Variants in SPRY3 observed in about 807,000 individuals in gnomAD.
The protein encoded by SPRY3 is sprouty RTK signaling antagonist 3.
SPRY3 carries 15 observed loss-of-function variants against 20.2 expected under a neutral mutation model. That is an observed-to-expected ratio of 0.74 (90% CI 0.50 to 1.14). The LOEUF (loss-of-function observed/expected upper bound fraction) is 1.14, where lower values mean the gene tolerates loss of function less well. Among genes scored for constraint, SPRY3 ranks in the 50% most tolerant of loss-of-function variants. The pLI, the probability that SPRY3 is intolerant of heterozygous loss-of-function variation, is 0.00. For synonymous variants in SPRY3, 143 were observed against 136.5 expected, an observed-to-expected ratio of 1.05 and a Z score of -0.33; for missense variants, 364 against 363.9, an observed-to-expected ratio of 1.00 and a Z score of 0.00.
intron 2 of SPRY3, among the ~76,000 whole-genome samples, chrX:155,736,575 G>A (rs1443214631): frequency 2.6e-5 from 4 of 151,790 alleles, no homozygotes; most frequent in Non-Finnish European, 4.4e-5. Context: ...TTCTTCTAAC[G>A]ATAAGATGTT....
intron 2 of SPRY3, among the ~76,000 whole-genome samples, chrX:155,743,050 T>A (rs780869841): frequency 6.6e-6 from 1 of 151,348 alleles, no homozygotes; most frequent in African/African-American, 2.4e-5. Flanking sequence ...TTTGAAAAAA[T>A]TAATAAAATA....
At chrX:155,761,475 C>G (rs1327948117) in intron 2 of SPRY3, among the ~76,000 whole-genome samples, 1 of 152,034 alleles carries the variant, frequency 6.6e-6, no homozygotes, top group Non-Finnish European at 1.5e-5. Context: ...AGGTTGATTC[C>G]ATGTCTTTGC....
chrX:155,648,470 T>C (rs2067965128), intron 1 of SPRY3, among the ~76,000 whole-genome samples: 1 of 112,938 alleles, frequency 8.9e-6, no homozygotes, highest in African/African-American at 3.2e-5. Context: ...TGAGTTAATT[T>C]TTGTATAATG....
At chrX:155,778,439 T>C (rs1344412572), downstream of SPRY3, 3 of 167,056 alleles carry the variant, frequency 1.8e-5, no homozygotes, top group African/African-American at 7.2e-5. Context: ...TAGCTTATGA[T>C]GTAGAGCTAT....
chrX:155,719,730 G>T (rs1457613690), intron 2 of SPRY3, among the ~76,000 whole-genome samples: 1 of 152,064 alleles, frequency 6.6e-6, no homozygotes, highest in Non-Finnish European at 1.5e-5. Context: ...GGGCCAGAAG[G>T]AAGGTCACTG....
Position 155,754,502 on chromosome X carries a change from T to C in SPRY3, c.-281-13460T>C, listed in dbSNP as rs1383486106. 2.0e-5 allele frequency among the ~76,000 whole-genome samples: 3 copies of C among 152,034 alleles called. No homozygotes were observed. In the East Asian group the frequency reaches 5.8e-4, roughly 29 times the overall value. ...CATCTTGATTACTGTAGTATTGTAG[T>C]AAGCTTTGAAGTCAGAAAGATTTAA... On this transcript the variant is annotated intron_variant, in intron 2 of 3. Coordinates refer to ENST00000675360, the Ensembl canonical transcript of SPRY3.
chrX:155,652,834 A>G (rs1186068383), intron 1 of SPRY3, among the ~76,000 whole-genome samples: 2 of 111,597 alleles, frequency 1.8e-5, no homozygotes, highest in Non-Finnish European at 3.8e-5. Context: ...ACAATTTTAA[A>G]TTCTCGTTGA....
At chrX:155,626,025 C>T (rs1292491186) in intron 1 of SPRY3, among the ~76,000 whole-genome samples, 1 of 111,314 alleles carries the variant, frequency 9.0e-6, no homozygotes, top group Non-Finnish European at 1.9e-5. Flanking sequence ...CATTCATATA[C>T]AAGATATTTT....
intron 2 of SPRY3, among the ~76,000 whole-genome samples, chrX:155,678,023 A>G (rs1409779834): frequency 9.0e-6 from 1 of 111,400 alleles, no homozygotes; most frequent in African/African-American, 3.3e-5. Flanking sequence ...GAAAAACCTA[A>G]TACCTGTGTT....
At chrX:155,735,318 GACAT>G (rs2091160836) in intron 2 of SPRY3, among the ~76,000 whole-genome samples, 2 of 151,906 alleles carry the variant, frequency 1.3e-5, no homozygotes, top group Non-Finnish European at 2.9e-5. Flanking sequence ...TTATAGAATT[GACAT>G]TCTATGTCAA....
intron 2 of SPRY3, among the ~76,000 whole-genome samples, chrX:155,739,439 G>A (rs1329570527): frequency 1.3e-5 from 2 of 152,216 alleles, no homozygotes; most frequent in Non-Finnish European, 2.9e-5. Context: ...CCCTAGTGCA[G>A]CACATCTGCT....
chrX:155,705,338 A>G (rs1259149084), intron 2 of SPRY3, among the ~76,000 whole-genome samples: 1 of 151,410 alleles, frequency 6.6e-6, no homozygotes, highest in African/African-American at 2.4e-5. Context: ...TGTGTATCAT[A>G]AACTCTGGGA....
chrX:155,712,016 A>T (rs964135830), intron 2 of SPRY3, among the ~76,000 whole-genome samples: 1 of 151,514 alleles, frequency 6.6e-6, no homozygotes, highest in Non-Finnish European at 1.5e-5. Flanking sequence ...AGTTTCCAAA[A>T]TTTCTCTTGT....
At chrX:155,754,071 G>GA (rs900221815) in intron 2 of SPRY3, among the ~76,000 whole-genome samples, 7 of 151,588 alleles carry the variant, frequency 4.6e-5, no homozygotes, top group African/African-American at 1.2e-4. Flanking sequence ...TTTTTGGCAG[G>GA]AAAAAAAGGT....
intron 1 of SPRY3, among the ~76,000 whole-genome samples, chrX:155,634,764 A>G (rs2067917881): frequency 9.1e-6 from 1 of 109,704 alleles, no homozygotes; most frequent in Non-Finnish European, 1.9e-5. Context: ...ATGGATTTGT[A>G]TTATCAAATA....
chrX:155,752,741 G>A (rs1039036431), intron 2 of SPRY3, among the ~76,000 whole-genome samples: 8 of 151,770 alleles, frequency 5.3e-5, no homozygotes, highest in Non-Finnish European at 8.8e-5. Context: ...TGAGAAATTT[G>A]ATAATATACT....
At chrX:155,693,837 A>G (rs1176527520) in intron 2 of SPRY3, among the ~76,000 whole-genome samples, 2 of 98,997 alleles carry the variant, frequency 2.0e-5, no homozygotes, top group African/African-American at 7.3e-5. Context: ...GGGTCTTGCT[A>G]TGTTGCTCAG....
At chrX:155,770,105 A>G (rs1320787688) in intron 3 of SPRY3, among the ~76,000 whole-genome samples, 2 of 152,220 alleles carry the variant, frequency 1.3e-5, no homozygotes, top group African/African-American at 2.4e-5. Context: ...GTTACACAGT[A>G]GGGTACAAAA....
At chrX:155,778,940 G>A (rs1255400338), downstream of SPRY3, 1 of 166,982 alleles carries the variant, frequency 6.0e-6, no homozygotes, top group Non-Finnish European at 1.5e-5. Context: ...GGTAGTATGA[G>A]TAAGGAAAGG....
Sources: gnomAD v4.1 joint callset for allele counts (sites outside exome capture counted in the v4.1 genomes callset) on GRCh38, gnomAD v4.1.1 for gene constraint, MANE v1.5 for transcripts, NCBI Gene and HGNC (gene_info 2026-07-23, HGNC 2026-07-21) for gene names.